FAM167A: variants seen among roughly 807,000 people sequenced by gnomAD.
FAM167A encodes the protein family with sequence similarity 167 member A, also known as protein FAM167A.
Under a neutral mutation model 14.9 loss-of-function variants are expected in FAM167A, and 23 were observed. The observed-to-expected ratio is 1.55, with a 90% CI of 1.11 to 2.19. The LOEUF (loss-of-function observed/expected upper bound fraction) is 2.19. Ranked by LOEUF, FAM167A falls within the 30% of genes most tolerant of loss-of-function variation. FAM167A has a pLI of 0.00. For missense variants in FAM167A, 401 were observed against 281.5 expected (o/e 1.42, Z -3.04); for synonymous variants, 174 against 117.7 (o/e 1.48, Z -3.10).
intron 1 of FAM167A, among the ~76,000 whole-genome samples, chr8:11,474,219 G>A (rs934101130): frequency 4.1e-4 from 63 of 152,278 alleles, no homozygotes; most frequent in African/African-American, 1.4e-3. Context: ...CTTGGTTTGC[G>A]CACCACCTGG....
intron 1 of FAM167A, among the ~76,000 whole-genome samples, chr8:11,473,222 G>A (rs1377102938): frequency 1.3e-5 from 2 of 152,162 alleles, no homozygotes; most frequent in African/African-American, 2.4e-5. Flanking sequence ...CATCTCCATC[G>A]GCCAATCCCT....
rs1415050091 is a variant in FAM167A at position 11,421,592 on chromosome 8, A to G, written c.*2781T>C. 5.0e-6 allele frequency: 2 copies of G among 398,026 alleles called. No individual in the cohort carries two copies. Among genetic ancestry groups the G allele is most frequent in the Non-Finnish European group, 8.8e-6 (2 of 226,002 alleles). 24.7% of individuals were successfully genotyped at this position (398,026 alleles called of 1,614,324 possible). A position where few individuals can be genotyped will look rare whatever the true frequency, so the allele number is the denominator to read the frequency against. On this transcript the variant is annotated 3_prime_UTR_variant, in exon 3 of 3. Transcript: ENST00000284486. ...GTATAAATCGTCCATTGATTATGTA[A>G]TAGCACTTGGTATTGCTACAGGGTG...
At position 11,438,419 on chromosome 8, in the gene FAM167A, C is replaced by A. The variant is rs201626182; in HGVS notation, c.381+5612G>T. The A allele has an allele frequency of 2.9e-3, 1,292 of 453,144 alleles. 1 individual carries two copies. Among genetic ancestry groups the A allele is most frequent in the Non-Finnish European group, 4.0e-3 (907 of 226,136 alleles). 28.1% of individuals were successfully genotyped at this position (453,144 alleles called of 1,614,324 possible). On this transcript the variant is annotated intron_variant, in intron 2 of 2. Transcript: ENST00000284486. ...GAATGTTGGGAGATTGAAGGCCTTA[C>A]TTTTATTTTATTCTAGGAGATTCTA...
At chr8:11,468,609 C>T (rs973526402), upstream of FAM167A, among the ~76,000 whole-genome samples, 8 of 152,316 alleles carry the variant, frequency 5.3e-5, no homozygotes, top group African/African-American at 1.4e-4. Context: ...ACCACAGCCC[C>T]GGTGCTGAGC....
chr8:11,455,300 C>A (rs1362955477), intron 1 of FAM167A, among the ~76,000 whole-genome samples: 5 of 100,424 alleles, frequency 5.0e-5, no homozygotes, highest in Admixed American at 1.2e-4. Context: ...GGGGTGGTTA[C>A]CCTCCTGGGT....
At chr8:11,433,408 G>A (rs1408770628) in intron 2 of FAM167A, among the ~76,000 whole-genome samples, 6 of 151,974 alleles carry the variant, frequency 3.9e-5, no homozygotes, top group South Asian at 2.1e-4. Context: ...TTTTTCTATC[G>A]TCTAATGCTT....
intron 1 of FAM167A, among the ~76,000 whole-genome samples, chr8:11,450,702 G>A (rs912843887): frequency 2.6e-5 from 4 of 152,202 alleles, no homozygotes; most frequent in Middle Eastern, 3.2e-3. Context: ...TGGAATGAAT[G>A]AGCCAATAAA....
At chr8:11,429,763 C>T (rs1393895928) in intron 2 of FAM167A, among the ~76,000 whole-genome samples, 1 of 152,144 alleles carries the variant, frequency 6.6e-6, no homozygotes, top group Admixed American at 6.5e-5. Flanking sequence ...GGGTTAGAAC[C>T]CAGGTTCAAG....
At chr8:11,455,238 C>A (rs973561511) in intron 1 of FAM167A, among the ~76,000 whole-genome samples, 1 of 138,542 alleles carries the variant, frequency 7.2e-6, no homozygotes, top group South Asian at 2.5e-4. Flanking sequence ...GGGGTTGTTG[C>A]CTTGCTGTGT....
chr8:11,443,184 G>A (rs759838736), intron 2 of FAM167A, among the ~76,000 whole-genome samples: 4 of 152,200 alleles, frequency 2.6e-5, no homozygotes, highest in Non-Finnish European at 5.9e-5. Context: ...GCCTGGTGCT[G>A]CTGAGAGGCT....
At chr8:11,449,579 A>G (rs1049062746) in intron 1 of FAM167A, among the ~76,000 whole-genome samples, 6 of 152,160 alleles carry the variant, frequency 3.9e-5, no homozygotes, top group Non-Finnish European at 7.4e-5. Context: ...ACGCTGCCAG[A>G]CCTGGGACCT....
chr8:11,429,222 T>C (rs1052070316), intron 2 of FAM167A, among the ~76,000 whole-genome samples: 6 of 152,256 alleles, frequency 3.9e-5, no homozygotes, highest in South Asian at 2.1e-4. Context: ...ATTTGTCCTT[T>C]GTGAGTGGCT....
intron 1 of FAM167A, among the ~76,000 whole-genome samples, chr8:11,455,052 T>G (rs562180517): frequency 6.6e-6 from 1 of 152,324 alleles, no homozygotes; most frequent in East Asian, 1.9e-4. Flanking sequence ...TCAGGAGCCC[T>G]GACATGGAGA....
At chr8:11,441,596 G>A (rs955774182) in intron 2 of FAM167A, among the ~76,000 whole-genome samples, 5 of 152,080 alleles carry the variant, frequency 3.3e-5, no homozygotes, top group African/African-American at 1.2e-4. Flanking sequence ...GCCACCTCAC[G>A]AGCCTCACCT....
rs1019503542 is a variant in FAM167A, at chr8:11,439,563, TTCTCTTCTC to T, written c.381+4459_381+4467del. 1.8e-4 allele frequency among the ~76,000 whole-genome samples: 14 copies of T among 76,118 alleles called. No homozygotes were observed. The East Asian group carries it at 0.012, about 63-fold the overall frequency. 49.9% of individuals were successfully genotyped at this position (76,118 alleles called of 152,430 possible). On this transcript the variant is annotated intron_variant, in intron 2 of 2. Coordinates refer to ENST00000284486, the MANE Select transcript of FAM167A (RefSeq NM_053279.3). ...CCTAAGTGATGAAAACTTGTCAAGG[TTCTCTTCTC>T]TCTCTCTAACAGCCATAAACACCTC... is the stretch of plus-strand genomic sequence containing the variant.
chr8:11,429,981 C>T (rs1356416592), intron 2 of FAM167A, among the ~76,000 whole-genome samples: 1 of 152,198 alleles, frequency 6.6e-6, no homozygotes, highest in African/African-American at 2.4e-5. Flanking sequence ...CCTTTCTCTC[C>T]AGGCCAAGGC....
intron 1 of FAM167A, among the ~76,000 whole-genome samples, chr8:11,450,293 T>C (rs926681935): frequency 1.3e-5 from 2 of 152,236 alleles, no homozygotes; most frequent in South Asian, 4.1e-4. Flanking sequence ...GAAACAATTA[T>C]GTCATCGCAA....
intron 2 of FAM167A, among the ~76,000 whole-genome samples, chr8:11,440,682 A>C (rs1472398706): frequency 1.3e-5 from 2 of 152,186 alleles, no homozygotes; most frequent in African/African-American, 4.8e-5. Flanking sequence ...TATCCACACG[A>C]CTAAGGGAAT....
intron 1 of FAM167A, among the ~76,000 whole-genome samples, chr8:11,473,293 A>G (rs1367028762): frequency 6.6e-6 from 1 of 152,140 alleles, no homozygotes; most frequent in Non-Finnish European, 1.5e-5. Context: ...TGTGGGGGGA[A>G]GCTTGTTGCA....
Sources: gnomAD v4.1 joint callset for allele counts (sites outside exome capture counted in the v4.1 genomes callset) on GRCh38, gnomAD v4.1.1 for gene constraint, MANE v1.5 for transcripts, NCBI Gene and HGNC (gene_info 2026-07-23, HGNC 2026-07-21) for gene names.